Variants in PSME4 observed in about 807,000 individuals in gnomAD.
PSME4 encodes proteasome activator complex subunit 4.
A neutral mutation model predicts 253.9 loss-of-function variants in PSME4; 89 were observed. The observed-to-expected ratio is 0.35, with a 90% confidence interval of 0.30 to 0.42. The LOEUF is 0.42. PSME4 is among the 10% of genes least tolerant of loss of function. PSME4 has a pLI of 1.00. For missense variants in PSME4, 2,014 were observed against 2,195.2 expected, an observed-to-expected ratio of 0.92 and a Z score of 1.65; for synonymous variants, 851 against 759.2, an observed-to-expected ratio of 1.12 and a Z score of -1.99.
rs777329848 is a variant in PSME4 at position 53,874,408 on chromosome 2, T to C, written c.5031A>G (p.Leu1677=). 10 of 1,613,796 alleles carry C rather than the reference T, an allele frequency of 6.2e-6. No individual in the cohort carries two copies. Among genetic ancestry groups the C allele is most frequent in the Non-Finnish European group, 7.6e-6 (9 of 1,179,808 alleles). Residue 1677 remains leucine (L), a synonymous_variant, in exon 43 of 47, where the codon CTA becomes CTG. Coordinates refer to ENST00000404125, the MANE Select transcript of PSME4 (RefSeq NM_014614.3). ...TATCTTTAACTGCATCTTCATTGTTTAGGAAAATAAAGAGGTTATAAAATA... is the reference window on the plus strand; with the variant it reads ...TATCTTTAACTGCATCTTCATTGTTCAGGAAAATAAAGAGGTTATAAAATA... ...TMVFYNLFIF[L]NNEDAVKDIR...
chr2:53,865,749 C>A, intron 46 of PSME4, 176 bp from the exon 47 acceptor site: 1 of 210,590 alleles, frequency 4.7e-6, no homozygotes, highest in Non-Finnish European at 9.4e-6. Context: ...ACCCAGAGTC[C>A]TCAGGGCCAC....
intron 1 of PSME4, among the ~76,000 whole-genome samples, chr2:53,965,644 T>G (rs1266064229): frequency 6.6e-6 from 1 of 150,654 alleles, no homozygotes; most frequent in Non-Finnish European, 1.5e-5. Context: ...AATTTCAAGT[T>G]TAAAATTTTG....
intron 41 of PSME4, among the ~76,000 whole-genome samples, chr2:53,876,872 C>T (rs930314888): frequency 1.3e-5 from 2 of 151,538 alleles, no homozygotes; most frequent in African/African-American, 4.9e-5. Context: ...CACGCACCAC[C>T]GTGTCCAGCT....
intron 2 of PSME4, 25 bp from the exon 3 acceptor site, chr2:53,948,562 C>T (rs1669830205): frequency 7.4e-7 from 1 of 1,353,724 alleles, no homozygotes; most frequent in East Asian, 2.3e-5. Context: ...AAAATAAATA[C>T]CTATGTATGC....
chr2:53,903,451 T>C (rs1400757186), intron 27 of PSME4, among the ~76,000 whole-genome samples: 1 of 152,210 alleles, frequency 6.6e-6, no homozygotes, highest in East Asian at 1.9e-4. Flanking sequence ...GTATAAGCAA[T>C]CATTATATAT....
intron 43 of PSME4, among the ~76,000 whole-genome samples, chr2:53,873,198 G>T (rs961083556): frequency 1.4e-5 from 2 of 144,816 alleles, no homozygotes; most frequent in Non-Finnish European, 3.0e-5. Flanking sequence ...CTGAGAGCGT[G>T]CCACTGCACT....
intron 3 of PSME4, among the ~76,000 whole-genome samples, chr2:53,943,486 G>T (rs990305333): frequency 6.6e-6 from 1 of 152,148 alleles, no homozygotes; most frequent in Non-Finnish European, 1.5e-5. Flanking sequence ...AAACTAGTAA[G>T]TAGTCATTTT....
At chr2:53,920,827 T>G in intron 18 of PSME4, 62 bp downstream of exon 18, 1 of 1,360,552 alleles carries the variant, frequency 7.3e-7, no homozygotes, top group Non-Finnish European at 1.0e-6. Flanking sequence ...AAATAACACT[T>G]TGAATCCCTT....
intron 41 of PSME4, among the ~76,000 whole-genome samples, chr2:53,876,205 C>A (rs147249116): frequency 6.6e-6 from 1 of 152,136 alleles, no homozygotes; most frequent in African/African-American, 2.4e-5. Flanking sequence ...AAGGTAATGA[C>A]CACATATTGT....
At chr2:53,965,549 A>G (rs950397623) in intron 1 of PSME4, among the ~76,000 whole-genome samples, 1 of 137,754 alleles carries the variant, frequency 7.3e-6, no homozygotes, top group African/African-American at 2.5e-5. Flanking sequence ...TATGTTGTGG[A>G]GCCCTGAGGA....
At chr2:53,955,989 G>A (rs1558427412) in intron 1 of PSME4, among the ~76,000 whole-genome samples, 1 of 151,920 alleles carries the variant, frequency 6.6e-6, no homozygotes. Flanking sequence ...TGGGAGCCAG[G>A]TACAGTGGCT....
intron 42 of PSME4, 26 bp downstream of exon 42, chr2:53,875,601 G>C (rs191752691): frequency 1.8e-5 from 29 of 1,584,772 alleles, no homozygotes; most frequent in Non-Finnish European, 2.5e-5. Flanking sequence ...CTAATCAAAA[G>C]ACATAAATAT....
intron 4 of PSME4, among the ~76,000 whole-genome samples, chr2:53,938,893 C>G (rs1230146101): frequency 6.6e-6 from 1 of 152,182 alleles, no homozygotes; most frequent in East Asian, 1.9e-4. Flanking sequence ...CTATGCTCCA[C>G]CTTCAAAGAT....
intron 29 of PSME4, among the ~76,000 whole-genome samples, chr2:53,898,915 G>C (rs1432272815): frequency 6.6e-6 from 1 of 151,602 alleles, no homozygotes. Context: ...ACTATTATAA[G>C]AACTATTAAA....
At chr2:53,904,978 A>G (rs925140850) in intron 26 of PSME4, among the ~76,000 whole-genome samples, 12 of 148,980 alleles carry the variant, frequency 8.1e-5, no homozygotes, top group Non-Finnish European at 1.8e-4. Context: ...ACAGAGCGAG[A>G]CTCCGTCTCA....
At chr2:53,878,745 T>C (rs1338958070) in intron 41 of PSME4, among the ~76,000 whole-genome samples, 7 of 152,212 alleles carry the variant, frequency 4.6e-5, no homozygotes, top group Non-Finnish European at 1.0e-4. Flanking sequence ...TAAATTTTGG[T>C]CAGACCAGTG....
At chr2:53,934,004 T>C (rs191258720) in intron 8 of PSME4, among the ~76,000 whole-genome samples, 1 of 152,300 alleles carries the variant, frequency 6.6e-6, no homozygotes. Flanking sequence ...CAAGCTAACG[T>C]GTAAAACAGA....
chr2:53,927,265 T>C (rs375214404), intron 12 of PSME4, 129 bp downstream of exon 12: 4 of 680,910 alleles, frequency 5.9e-6, no homozygotes, highest in East Asian at 5.2e-5. Context: ...TGGCCCTCCA[T>C]ATGTACCATT....
At position 53,896,926 on chromosome 2, in the gene PSME4, A is replaced by G. The variant is rs781756793; in HGVS notation, c.3607-41T>C. On this transcript the variant is annotated intron_variant, in intron 31 of 46. Transcript: ENST00000404125. ...GGTACACATTCATAAAAAAAAGTTT[A>G]AATCACTTAACTGGTTGTCTGCTTT... is the stretch of plus-strand genomic sequence containing the variant. The G allele has an allele frequency of 4.3e-5, 62 of 1,429,494 alleles. 1 individual carries two copies. The South Asian group carries it at 7.2e-4, about 17-fold the overall frequency. The allele number at this position is 1,429,494 out of a possible 1,614,324, so 88.6% of individuals were successfully genotyped here.
Sources: allele counts gnomAD v4.1 joint callset (sites outside exome capture counted in the v4.1 genomes callset), GRCh38; gene constraint gnomAD v4.1.1; transcripts MANE v1.5; gene names NCBI Gene and HGNC (gene_info 2026-07-23, HGNC 2026-07-21).